Variants in SRD5A2 observed in about 807,000 individuals in gnomAD.
The protein encoded by SRD5A2 is 3-oxo-5-alpha-steroid 4-dehydrogenase 2.
Under a neutral mutation model 27.4 loss-of-function variants are expected in SRD5A2, and 30 were observed. The observed-to-expected ratio is 1.10, with a 90% CI of 0.82 to 1.49. The LOEUF (loss-of-function observed/expected upper bound fraction) is 1.49. Ranked by LOEUF, SRD5A2 falls within the 40% of genes most tolerant of loss-of-function variation. The probability of loss-of-function intolerance (pLI) is 0.00; values close to 1 mark genes in which losing one functional copy is unlikely to be tolerated. For synonymous variants in SRD5A2, 141 were observed against 133.6 expected, an observed-to-expected ratio of 1.06 and a Z score of -0.38; for missense variants, 348 against 323.4, an observed-to-expected ratio of 1.08 and a Z score of -0.58.
chr2:31,530,640 A>G (rs1330358123), intron 3 of SRD5A2, among the ~76,000 whole-genome samples: 2 of 152,174 alleles, frequency 1.3e-5, no homozygotes, highest in Non-Finnish European at 2.9e-5. Flanking sequence ...TCATGTCATA[A>G]TTGAGGAAAT....
chr2:31,524,676 T>A lies in SRD5A2; in HGVS notation c.*1520A>T, dbSNP rs1665733242. The A allele has an allele frequency of 4.3e-6, 1 of 231,282 alleles. No individual in the cohort carries two copies. The allele number at this position is 231,282 out of a possible 1,614,324, so 14.3% of individuals were successfully genotyped here. ...CAGTAATCTACATCATCCTCAGACC[T>A]TTCAAGTTTCCTATGTGACTTATAT... On this transcript the variant is annotated 3_prime_UTR_variant, in exon 5 of 5. Transcript: ENST00000622030.
chr2:31,567,456 G>GTGTGTACATATA (rs143408801), intron 1 of SRD5A2, among the ~76,000 whole-genome samples: 1 of 140,240 alleles, frequency 7.1e-6, no homozygotes, highest in Non-Finnish European at 1.5e-5. Flanking sequence ...GTGTGTGTGT[G>GTGTGTACATATA]TATATATATA....
the SRD5A2 span, among the ~76,000 whole-genome samples, chr2:31,611,024 A>G: frequency 2.6e-5 from 4 of 152,098 alleles, no homozygotes; most frequent in Non-Finnish European, 5.9e-5. Context: ...CAGGAGAATC[A>G]CTTGAACCCA....
At position 31,531,401 on chromosome 2, in the gene SRD5A2, G is replaced by A. The variant is rs753075203; in HGVS notation, c.517C>T (p.Pro173Ser). 1 of 1,594,136 alleles carries A rather than the reference G, an allele frequency of 6.3e-7. No homozygotes were observed. The highest frequency in any genetic ancestry group is 2.3e-5 in the East Asian group (1 of 44,272). The part of the protein sequence containing the change: ...SDYILRQLRK[P>S]GEISYRIPQG... ...GGAATCCTGTAGCTGATTTCTCCAG[G>A]CTTCCTGAGCTGGCGCAATATATAG... Residue 173 changes from proline (P) to serine (S), a missense_variant, in exon 3 of 5, where the codon CCT (proline) becomes TCT (serine). Physicochemically the swap from Pro to Ser is moderately conservative, Grantham distance 74. Coordinates refer to ENST00000622030, the MANE Select transcript of SRD5A2 (RefSeq NM_000348.4).
intron 1 of SRD5A2, among the ~76,000 whole-genome samples, chr2:31,571,980 A>T (rs1209992372): frequency 6.6e-6 from 1 of 152,254 alleles, no homozygotes; most frequent in Non-Finnish European, 1.5e-5. Flanking sequence ...ATTATTGGGT[A>T]TATCCCCAAA....
At chr2:31,658,029 T>C in the SRD5A2 span, among the ~76,000 whole-genome samples, 3 of 152,182 alleles carry the variant, frequency 2.0e-5, no homozygotes, top group African/African-American at 7.2e-5. Flanking sequence ...TGAAAGTTTG[T>C]AGGTCTAGAA....
At chr2:31,593,631 G>A in the SRD5A2 span, among the ~76,000 whole-genome samples, 1 of 152,172 alleles carries the variant, frequency 6.6e-6, no homozygotes, top group African/African-American at 2.4e-5. Flanking sequence ...ATTTGAGGGA[G>A]CAATTGAGGA....
At chr2:31,652,743 A>T in the SRD5A2 span, among the ~76,000 whole-genome samples, 1 of 152,244 alleles carries the variant, frequency 6.6e-6, no homozygotes, top group Non-Finnish European at 1.5e-5. Flanking sequence ...GCCAAACTTA[A>T]TCTACAGAAG....
chr2:31,587,624 A>G, the SRD5A2 span, among the ~76,000 whole-genome samples: 1 of 152,342 alleles, frequency 6.6e-6, no homozygotes, highest in South Asian at 2.1e-4. Flanking sequence ...GTAAGCCATC[A>G]TTCTCAGCAA....
At chr2:31,574,439 T>C (rs2300703) in intron 1 of SRD5A2, among the ~76,000 whole-genome samples, 78,179 of 152,058 alleles carry the variant, frequency 0.51, 20,682 homozygotes, top group Non-Finnish European at 0.58. Context: ...GTTTGTTCTT[T>C]TTAAGTGACA....
the SRD5A2 span, among the ~76,000 whole-genome samples, chr2:31,634,863 T>TTTCA: frequency 6.6e-6 from 1 of 152,166 alleles, no homozygotes; most frequent in Admixed American, 6.5e-5. Context: ...GATGACAGGA[T>TTTCA]TTCATTCTTT....
At chr2:31,527,199 C>T (rs1000099002) in intron 4 of SRD5A2, among the ~76,000 whole-genome samples, 3 of 152,106 alleles carry the variant, frequency 2.0e-5, no homozygotes, top group South Asian at 2.1e-4. Flanking sequence ...CCACAGGAGA[C>T]GAATGCATCT....
the SRD5A2 span, among the ~76,000 whole-genome samples, chr2:31,646,174 C>A: frequency 6.6e-6 from 1 of 152,096 alleles, no homozygotes; most frequent in South Asian, 2.1e-4. Flanking sequence ...TGCACACACA[C>A]ACACACGCAC....
At chr2:31,596,850 C>A in the SRD5A2 span, among the ~76,000 whole-genome samples, 1 of 152,122 alleles carries the variant, frequency 6.6e-6, no homozygotes, top group Non-Finnish European at 1.5e-5. Flanking sequence ...ATAGGTGACA[C>A]AAATGAATGG....
chr2:31,573,384 A>G (rs1362265043), intron 1 of SRD5A2, among the ~76,000 whole-genome samples: 1 of 152,186 alleles, frequency 6.6e-6, no homozygotes, highest in East Asian at 1.9e-4. Context: ...TCCTATGTTG[A>G]GCTGAGTCTC....
the SRD5A2 span, among the ~76,000 whole-genome samples, chr2:31,590,447 TGGGAG>T: frequency 6.6e-6 from 1 of 152,124 alleles, no homozygotes; most frequent in African/African-American, 2.4e-5. Context: ...TAATTGTGAA[TGGGAG>T]TTCACTCATG....
At chr2:31,538,985 A>G (rs1038138757) in intron 1 of SRD5A2, among the ~76,000 whole-genome samples, 2 of 152,228 alleles carry the variant, frequency 1.3e-5, no homozygotes, top group Non-Finnish European at 2.9e-5. Context: ...ATCATGTGCT[A>G]TAAGTGGCAC....
At chr2:31,558,088 C>T (rs1666536712) in intron 1 of SRD5A2, among the ~76,000 whole-genome samples, 1 of 152,134 alleles carries the variant, frequency 6.6e-6, no homozygotes, top group Non-Finnish European at 1.5e-5. Flanking sequence ...CTTGGAAGGC[C>T]AGCAAACATA....
chr2:31,575,778 G>C (rs1666946493), intron 1 of SRD5A2, among the ~76,000 whole-genome samples: 1 of 152,144 alleles, frequency 6.6e-6, no homozygotes, highest in Admixed American at 6.6e-5. Flanking sequence ...TCACAATGTA[G>C]TCACTTCTTC....
Sources: gnomAD v4.1 joint callset for allele counts (sites outside exome capture counted in the v4.1 genomes callset) on GRCh38, gnomAD v4.1.1 for gene constraint, MANE v1.5 for transcripts, NCBI Gene and HGNC (gene_info 2026-07-23, HGNC 2026-07-21) for gene names.